The following PALM2AKAP2 variants were observed in gnomAD, a reference collection of about 807,000 sequenced individuals.
PALM2AKAP2 encodes PALM2 and AKAP2 fusion.
A neutral mutation model predicts 71.5 loss-of-function variants in PALM2AKAP2; 37 were observed. That is an observed-to-expected ratio of 0.52 (90% CI 0.40 to 0.68). The LOEUF is 0.68. PALM2AKAP2 is among the 30% of genes least tolerant of loss of function. The pLI, the probability that PALM2AKAP2 is intolerant of heterozygous loss-of-function variation, is 0.00. For synonymous variants in PALM2AKAP2, 468 were observed against 478.8 expected (o/e 0.98, Z 0.29); for missense variants, 1,224 against 1,191.8 (o/e 1.03, Z -0.40).
intron 4 of PALM2AKAP2, 75 bp from the exon 5 acceptor site, chr9:109,924,986 T>C (rs1367918068): frequency 1.2e-6 from 2 of 1,606,698 alleles, no homozygotes; most frequent in Non-Finnish European, 1.7e-6. Flanking sequence ...ATGGGTTAAG[T>C]CTTTAAAGAT....
At chr9:109,691,865 TATACAC>T (rs1268675134) in intron 1 of PALM2AKAP2, among the ~76,000 whole-genome samples, 936 of 45,308 alleles carry the variant, frequency 0.021, 36 homozygotes, top group East Asian at 0.14. Context: ...TATATATATA[TATACAC>T]ACACACACAC....
chr9:109,865,339 T>G (rs1244668089), intron 1 of PALM2AKAP2, among the ~76,000 whole-genome samples: 1 of 152,098 alleles, frequency 6.6e-6, no homozygotes, highest in African/African-American at 2.4e-5. Context: ...CCTCGGGTGA[T>G]CCACCCACCT....
At chr9:109,858,794 C>A (rs992328195) in intron 1 of PALM2AKAP2, among the ~76,000 whole-genome samples, 1 of 152,144 alleles carries the variant, frequency 6.6e-6, no homozygotes, top group Non-Finnish European at 1.5e-5. Context: ...CTCATCAGAG[C>A]CCATATCAGA....
chr9:110,133,868 C>T (rs941733767), intron 1 of PALM2AKAP2, among the ~76,000 whole-genome samples: 2 of 152,120 alleles, frequency 1.3e-5, no homozygotes, highest in African/African-American at 4.8e-5. Context: ...TAATTTTGGC[C>T]TAGGTTTACT....
chr9:109,662,387 A>G (rs921031951), intron 1 of PALM2AKAP2, among the ~76,000 whole-genome samples: 1 of 152,114 alleles, frequency 6.6e-6, no homozygotes, highest in Non-Finnish European at 1.5e-5. Flanking sequence ...GCGCTGTTGA[A>G]TTTTGTCAAA....
chr9:109,700,949 C>T (rs901886347), intron 1 of PALM2AKAP2, among the ~76,000 whole-genome samples: 4 of 151,852 alleles, frequency 2.6e-5, no homozygotes, highest in Non-Finnish European at 5.9e-5. Context: ...TGACTGGAAT[C>T]GTAACAATAA....
intron 3 of PALM2AKAP2, among the ~76,000 whole-genome samples, chr9:110,158,840 G>A (rs1836527093): frequency 3.3e-5 from 5 of 152,144 alleles, no homozygotes; most frequent in Non-Finnish European, 7.3e-5. Context: ...CTTAGGATCA[G>A]GACAAAATCT....
At chr9:109,951,928 T>C (rs1341110117) in intron 6 of PALM2AKAP2, among the ~76,000 whole-genome samples, 1 of 152,226 alleles carries the variant, frequency 6.6e-6, no homozygotes, top group Admixed American at 6.5e-5. Flanking sequence ...CAGCCCAGAC[T>C]GTGATCAAAC....
At chr9:109,672,786 A>C (rs1044552703) in intron 1 of PALM2AKAP2, among the ~76,000 whole-genome samples, 1 of 151,906 alleles carries the variant, frequency 6.6e-6, no homozygotes, top group African/African-American at 2.4e-5. Context: ...TTCAGAGCTC[A>C]TTATTAGTCT....
intron 1 of PALM2AKAP2, among the ~76,000 whole-genome samples, chr9:109,791,927 G>A (rs138064614): frequency 3.9e-4 from 59 of 152,290 alleles, no homozygotes; most frequent in Non-Finnish European, 7.6e-4. Flanking sequence ...ACACAGTGTA[G>A]GCTGGATTTG....
chr9:109,714,436 C>T (rs1383432046), intron 1 of PALM2AKAP2, among the ~76,000 whole-genome samples: 1 of 152,166 alleles, frequency 6.6e-6, no homozygotes, highest in Non-Finnish European at 1.5e-5. Flanking sequence ...TTAATTTCTC[C>T]TCCATTCCAA....
chr9:109,954,430 T>C (rs944440007), intron 6 of PALM2AKAP2, among the ~76,000 whole-genome samples: 1 of 140,206 alleles, frequency 7.1e-6, no homozygotes, highest in Non-Finnish European at 1.5e-5. Context: ...TTGCATTTTA[T>C]CAACAGCACA....
At chr9:110,056,593 T>C (rs1046379282) in intron 1 of PALM2AKAP2, among the ~76,000 whole-genome samples, 1 of 152,210 alleles carries the variant, frequency 6.6e-6, no homozygotes, top group Non-Finnish European at 1.5e-5. Context: ...CATCAGAACA[T>C]TTTATACTTG....
chr9:110,123,626 T>G (rs1835536177), intron 1 of PALM2AKAP2, among the ~76,000 whole-genome samples: 1 of 152,190 alleles, frequency 6.6e-6, no homozygotes, highest in Admixed American at 6.5e-5. Context: ...GTGTGTGTAG[T>G]GGACTCTGGC....
chr9:110,110,739 G>T (rs1835230004), intron 1 of PALM2AKAP2, among the ~76,000 whole-genome samples: 2 of 151,684 alleles, frequency 1.3e-5, no homozygotes, highest in South Asian at 4.2e-4. Flanking sequence ...TAGAGTCAGG[G>T]TTTCACAATG....
chr9:109,756,099 CTT>C (rs1423390849), intron 1 of PALM2AKAP2, among the ~76,000 whole-genome samples: 1 of 152,092 alleles, frequency 6.6e-6, no homozygotes, highest in East Asian at 1.9e-4. Flanking sequence ...AGTTATAACA[CTT>C]TTGATTCACA....
chr9:109,914,815 A>G (rs962820071), intron 3 of PALM2AKAP2, among the ~76,000 whole-genome samples: 3 of 152,222 alleles, frequency 2.0e-5, no homozygotes, highest in South Asian at 2.1e-4. Flanking sequence ...GGCTCAGCCC[A>G]TCGTCAGGAA....
In PALM2AKAP2 at chr9:109,667,605, C is replaced by T. The variant is rs1003669658; in HGVS notation, c.5+26739C>T. Among the ~76,000 whole-genome samples the T allele has an allele frequency of 5.9e-5, 9 of 152,130 alleles. No individual in the cohort carries two copies. The East Asian group carries it at 1.7e-3, about 29-fold the overall frequency. On this transcript the variant is annotated intron_variant, in intron 1 of 6. Transcript: ENST00000374531. The stretch of plus-strand genomic sequence containing the variant: ...AGGAGTTCGAGACCAGCCTGGCCAA[C>T]ATGGTGAAACCCCATCTCTACTAAA...
intron 1 of PALM2AKAP2, among the ~76,000 whole-genome samples, chr9:109,749,787 G>T (rs1345887433): frequency 6.6e-6 from 1 of 152,222 alleles, no homozygotes; most frequent in Non-Finnish European, 1.5e-5. Context: ...TGAGAAGGAT[G>T]TGGGAATTCA....
Sources: gnomAD v4.1 joint callset for allele counts (sites outside exome capture counted in the v4.1 genomes callset) on GRCh38, gnomAD v4.1.1 for gene constraint, MANE v1.5 for transcripts, NCBI Gene and HGNC (gene_info 2026-07-23, HGNC 2026-07-21) for gene names.